ANAPC7: variants seen among roughly 807,000 people sequenced by gnomAD.
The protein encoded by ANAPC7 is anaphase-promoting complex subunit 7.
A neutral mutation model predicts 63.3 loss-of-function variants in ANAPC7; 25 were observed. The ratio of observed to expected loss-of-function variants is 0.39; its 90% CI spans 0.29 to 0.55. The LOEUF (loss-of-function observed/expected upper bound fraction) is 0.55. Ranked by LOEUF, ANAPC7 falls within the 20% of genes least tolerant of loss-of-function variation. The pLI, the probability that ANAPC7 is intolerant of heterozygous loss-of-function variation, is 0.57. For synonymous variants in ANAPC7, 241 were observed against 251.7 expected, an observed-to-expected ratio of 0.96 and a Z score of 0.40; for missense variants, 516 against 691.7, an observed-to-expected ratio of 0.75 and a Z score of 2.85.
intron 1 of ANAPC7, among the ~76,000 whole-genome samples, chr12:110,396,712 G>A (rs1393930155): frequency 3.3e-5 from 5 of 150,432 alleles, no homozygotes; most frequent in South Asian, 2.1e-4. Flanking sequence ...ATGGGGTTTC[G>A]CCATGTTAGC....
At chr12:110,386,601 T>G in intron 5 of ANAPC7, 132 bp from the exon 6 acceptor site, 1 of 911,962 alleles carries the variant, frequency 1.1e-6, no homozygotes, top group Non-Finnish European at 1.6e-6. Flanking sequence ...ATAAAAAACT[T>G]TAAGCTTATG....
At chr12:110,395,278 CA>C (rs1349993118) in intron 2 of ANAPC7, 58 bp from the exon 3 acceptor site, 4 of 1,491,550 alleles carry the variant, frequency 2.7e-6, no homozygotes, top group Non-Finnish European at 3.6e-6. Flanking sequence ...GACAGTTCTT[CA>C]AAACGTTAAA....
At chr12:110,379,862 C>T (rs1165115774) in intron 8 of ANAPC7, among the ~76,000 whole-genome samples, 1 of 152,184 alleles carries the variant, frequency 6.6e-6, no homozygotes, top group African/African-American at 2.4e-5. Context: ...GAAACTGGCA[C>T]AGCTCCTTTG....
At chr12:110,403,432 G>A in intron 1 of ANAPC7, 95 bp downstream of exon 1, 4 of 1,378,160 alleles carry the variant, frequency 2.9e-6, no homozygotes, top group Non-Finnish European at 4.0e-6. Context: ...GCCGGCGGCC[G>A]CTCCTTCCCG....
chr12:110,374,480 C>T (rs1881072065), intron 10 of ANAPC7, 147 bp from the exon 11 acceptor site: 3 of 669,018 alleles, frequency 4.5e-6, no homozygotes, highest in Non-Finnish European at 7.2e-6. Context: ...CTCAGGCTTC[C>T]AAGGCTGGGT....
rs912956894 is a variant in ANAPC7 at position 110,382,726 on chromosome 12, T to C, written c.935+117A>G. The C allele has an allele frequency of 9.7e-6, 8 of 821,232 alleles. No homozygotes were observed. The African/African-American group carries it at 1.0e-4, about 11-fold the overall frequency. 50.9% of individuals were successfully genotyped at this position (821,232 alleles called of 1,614,324 possible). A position where few individuals can be genotyped will look rare whatever the true frequency, so the allele number is the denominator to read the frequency against. On this transcript the variant is annotated intron_variant, in intron 7 of 10. Transcript: ENST00000455511. ...TTGAGATTACAGGCATGAGCCACCA[T>C]GCCTGTCCAGGTGATTACCTCTTAA... is the stretch of plus-strand genomic sequence containing the variant.
intron 3 of ANAPC7, among the ~76,000 whole-genome samples, chr12:110,394,124 C>T (rs1405280575): frequency 2.0e-5 from 3 of 147,332 alleles, no homozygotes; most frequent in Non-Finnish European, 3.0e-5. Context: ...TGCAATGAGC[C>T]GAGATCGCAC....
intron 4 of ANAPC7, 103 bp downstream of exon 4, chr12:110,388,409 G>T: frequency 1.2e-6 from 1 of 805,444 alleles, no homozygotes; most frequent in South Asian, 1.8e-5. Context: ...CTCTTCAGGG[G>T]AACTTTTAAA....
chr12:110,382,480 ATATATATATATATATT>A (rs1381620044), intron 7 of ANAPC7, among the ~76,000 whole-genome samples: 7 of 130,746 alleles, frequency 5.4e-5, no homozygotes, highest in Admixed American at 1.6e-4. Context: ...ATATATATAT[ATATATATATATATATT>A]TATAGAGACA....
chr12:110,376,202 A>G lies in ANAPC7; in HGVS notation c.1372T>C (p.Tyr458His). The G allele has an allele frequency of 6.2e-7, 1 of 1,614,006 alleles. No individual in the cohort carries two copies. The highest frequency in any genetic ancestry group is 1.1e-5 in the South Asian group (1 of 91,070). Residue 458 changes from tyrosine to histidine, a missense_variant, in exon 10 of 11, where the codon TAT becomes CAT. By Grantham distance (83) the Tyr-to-His change is moderately conservative. Around this residue, in one of 4 missense-constraint regions of ANAPC7, gnomAD observed 122 missense variants for 212.0 expected, o/e 0.58. Transcript: ENST00000455511. ...CTCAGCAAAGCAATTCCATCTTCAT[A>G]TTTCTGTTCTCTGCCTGGGGGAATA... Reference protein sequence around the residue: ...KAELLSREQKYEDGIALLRNA... With the variant: ...KAELLSREQKHEDGIALLRNA...
chr12:110,375,207 C>G (rs574001183), intron 10 of ANAPC7, among the ~76,000 whole-genome samples: 1 of 152,302 alleles, frequency 6.6e-6, no homozygotes, highest in Admixed American at 6.5e-5. Flanking sequence ...AAGCTCTCAC[C>G]CATACCCAGG....
intron 2 of ANAPC7, among the ~76,000 whole-genome samples, chr12:110,395,740 G>A (rs745392860): frequency 2.6e-5 from 4 of 152,076 alleles, no homozygotes; most frequent in South Asian, 2.1e-4. Context: ...GCGTTTCACC[G>A]TGTTAGCCAG....
intron 4 of ANAPC7, among the ~76,000 whole-genome samples, 179 bp downstream of exon 4, chr12:110,388,333 G>A (rs558553556): frequency 4.6e-5 from 7 of 152,140 alleles, no homozygotes; most frequent in East Asian, 1.9e-4. Context: ...CACCATGCCC[G>A]GCCAAAAACC....
intron 7 of ANAPC7, among the ~76,000 whole-genome samples, chr12:110,382,628 G>A (rs1566264677): frequency 6.6e-6 from 1 of 151,118 alleles, no homozygotes; most frequent in Admixed American, 6.6e-5. Flanking sequence ...GGAGTGCAGT[G>A]GCACGATCTT....
Position 110,395,158 on chromosome 12 carries a change from T to C in ANAPC7, c.351A>G (p.Gln117=), listed in dbSNP as rs1352572462. The change falls in exon 3 of 11, where the codon CAA becomes CAG. Residue 117 remains glutamine (Q), a synonymous_variant. Coordinates refer to ENST00000455511, the MANE Select transcript of ANAPC7 (RefSeq NM_016238.3). ...KMAECYTMLK[Q]DKDAIAILDG... is the part of the protein sequence containing the mutation. The stretch of plus-strand genomic sequence containing the variant: ...CAAGTATAGCAATGGCATCTTTATC[T>C]TGTTTTAGCATTGTATAACATTCAG... 1 of 1,613,824 alleles carries C rather than the reference T, an allele frequency of 6.2e-7. No individual in the cohort carries two copies. Among genetic ancestry groups the C allele is most frequent in the Non-Finnish European group, 8.5e-7 (1 of 1,179,862 alleles).
chr12:110,390,542 T>C (rs927213932), intron 3 of ANAPC7, among the ~76,000 whole-genome samples: 3 of 152,182 alleles, frequency 2.0e-5, no homozygotes, highest in Admixed American at 2.0e-4. Flanking sequence ...AAAGAACATC[T>C]GTTCCAATTA....
rs2062265016 is a variant in ANAPC7, at chr12:110,403,577, G to A, written c.51C>T (p.Ser17=). ...VRDMAAAGLH[S]NVRLLSSLLL... ...ACAAGCTGCTGAGGAGCCGCACGTT[G>A]GAGTGCAGCCCCGCGGCCGCCATGT... The change falls in exon 1 of 11, where the codon TCC becomes TCT. Residue 17 remains serine (S), a synonymous_variant. Coordinates refer to ENST00000455511, the MANE Select transcript of ANAPC7 (RefSeq NM_016238.3). 3.7e-6 allele frequency: 6 copies of A among 1,609,194 alleles called. No individual in the cohort carries two copies. In the South Asian group the frequency reaches 6.7e-5, roughly 18 times the overall value.
Position 110,382,901 on chromosome 12 carries a change from G to A in ANAPC7, c.877C>T (p.Leu293Phe). ...GAGATATTGAAAAGGCGGCATCCAAGGTTCTCAACATCCTCTAGCCGCCCT... is the reference window on the plus strand; with the variant it reads ...GAGATATTGAAAAGGCGGCATCCAAAGTTCTCAACATCCTCTAGCCGCCCT... ...REGRLEDVEN[L>F]GCRLFNISDQ... The change falls in exon 7 of 11, where the codon CTT becomes TTT. Residue 293 changes from leucine (L) to phenylalanine (F), a missense_variant. By Grantham distance (22) the Leu-to-Phe change is conservative (BLOSUM62 0). This residue lies in a region of ANAPC7 where 199 missense variants were observed against 249.3 expected (regional missense o/e 0.80). Coordinates refer to ENST00000455511, the MANE Select transcript of ANAPC7 (RefSeq NM_016238.3). The A allele has an allele frequency of 6.2e-7, 1 of 1,614,012 alleles. No homozygotes were observed. The highest frequency in any genetic ancestry group is 1.7e-5 in the Admixed American group (1 of 59,996).
intron 7 of ANAPC7, among the ~76,000 whole-genome samples, chr12:110,382,523 C>T (rs1882036623): frequency 7.7e-6 from 1 of 130,154 alleles, no homozygotes; most frequent in South Asian, 2.4e-4. Flanking sequence ...TGCTACATTG[C>T]CCATGCTGGT....
Sources: gnomAD v4.1 joint callset for allele counts (sites outside exome capture counted in the v4.1 genomes callset) on GRCh38, gnomAD v4.1.1 for gene constraint, gnomAD v4.1.1 regional missense constraint, MANE v1.5 for transcripts, NCBI Gene and HGNC (gene_info 2026-07-23, HGNC 2026-07-21) for gene names.